CHD6: variants seen among roughly 807,000 people sequenced by gnomAD.
CHD6 encodes chromodomain helicase DNA binding protein 6.
In CHD6, 50 loss-of-function variants were observed where a neutral mutation model predicts 276.9. The observed-to-expected ratio is 0.18, with a 90% CI of 0.14 to 0.23. The LOEUF (loss-of-function observed/expected upper bound fraction) is 0.23, where lower values mean the gene tolerates loss of function less well. CHD6 is among the 10% of genes least tolerant of loss of function. The pLI, the probability that CHD6 is intolerant of heterozygous loss-of-function variation, is 1.00. For missense variants in CHD6, 2,564 were observed against 3,365.8 expected (o/e 0.76, Z 5.89); for synonymous variants, 1,173 against 1,229.3 (o/e 0.95, Z 0.96).
chr20:41,457,383 C>A lies in CHD6; in HGVS notation c.2710G>T (p.Val904Leu). ...HRIGQSKAVK[V>L]YRLITRNSYE... is the part of the protein sequence containing the mutation. ...GAATTTCGAGTGATGAGGCGATACA[C>A]CTTCACAGCTTTGCTCTGGCCTATG... The change falls in exon 18 of 37, where the codon GTG (valine) becomes TTG (leucine). Residue 904 changes from valine to leucine, a missense_variant. Around this residue, in one of 7 missense-constraint regions of CHD6, gnomAD observed 457 missense variants for 889.0 expected, o/e 0.51. Transcript: ENST00000373233. 3 of 1,614,096 alleles carry A rather than the reference C, an allele frequency of 1.9e-6. No individual in the cohort carries two copies. The highest frequency in any genetic ancestry group is 2.5e-6 in the Non-Finnish European group (3 of 1,179,982).
In CHD6 at chr20:41,539,859, C is replaced by A. The variant is rs190776654; in HGVS notation, c.34-6289G>T. Among the ~76,000 whole-genome samples, 423 of 152,252 alleles carry A rather than the reference C, an allele frequency of 2.8e-3. 1 individual carries two copies. The highest frequency in any genetic ancestry group is 9.4e-3 in the African/African-American group (391 of 41,548). ...AGTACACCCATCATCTGGAATAATA[C>A]TACGCAACCATTATTATACGGAGGT... is the stretch of plus-strand genomic sequence containing the variant. On this transcript the variant is annotated intron_variant, in intron 2 of 36. Transcript: ENST00000373233.
At chr20:41,451,288 T>C (rs2048232201) in intron 22 of CHD6, among the ~76,000 whole-genome samples, 183 bp from the exon 23 acceptor site, 2 of 152,186 alleles carry the variant, frequency 1.3e-5, no homozygotes, top group African/African-American at 4.8e-5. Context: ...GTCTCCTCCT[T>C]AGTAAACAAA....
chr20:41,528,795 G>A (rs1415262234), intron 3 of CHD6, among the ~76,000 whole-genome samples: 1 of 152,182 alleles, frequency 6.6e-6, no homozygotes, highest in African/African-American at 2.4e-5. Flanking sequence ...TCCTTGAAAA[G>A]GAAAATTTGC....
chr20:41,589,643 T>C (rs1345982547), intron 1 of CHD6, among the ~76,000 whole-genome samples: 5 of 152,102 alleles, frequency 3.3e-5, no homozygotes, highest in Non-Finnish European at 7.3e-5. Flanking sequence ...ATAAAATACC[T>C]AGGAATCCAA....
chr20:41,525,864 A>G (rs1315587852), intron 3 of CHD6, among the ~76,000 whole-genome samples: 1 of 152,144 alleles, frequency 6.6e-6, no homozygotes, highest in Admixed American at 6.5e-5. Context: ...TCATTTGTTT[A>G]TATTTTTGCC....
chr20:41,499,965 C>T (rs142383391), intron 5 of CHD6, among the ~76,000 whole-genome samples: 298 of 152,240 alleles, frequency 2.0e-3, no homozygotes, highest in African/African-American at 6.7e-3. Context: ...ATCCTTTGAA[C>T]GTAAATCCCA....
chr20:41,457,080 C>A (rs2048397819), intron 18 of CHD6, among the ~76,000 whole-genome samples, 184 bp downstream of exon 18: 1 of 152,218 alleles, frequency 6.6e-6, no homozygotes, highest in South Asian at 2.1e-4. Context: ...TTTCCTTTAA[C>A]CACCCAGAAA....
intron 16 of CHD6, among the ~76,000 whole-genome samples, chr20:41,482,739 C>G (rs1431267820): frequency 1.3e-5 from 2 of 152,142 alleles, no homozygotes; most frequent in African/African-American, 4.8e-5. Flanking sequence ...CACAGCACCA[C>G]AGACTTTTTA....
At chr20:41,423,167 T>C (rs1280662430) in intron 30 of CHD6, among the ~76,000 whole-genome samples, 1 of 152,216 alleles carries the variant, frequency 6.6e-6, no homozygotes, top group Non-Finnish European at 1.5e-5. Context: ...CAGAGTAGGA[T>C]AAATCTGAAC....
intron 3 of CHD6, among the ~76,000 whole-genome samples, chr20:41,532,005 T>C (rs1021334129): frequency 6.6e-6 from 1 of 152,226 alleles, no homozygotes; most frequent in African/African-American, 2.4e-5. Context: ...ATTTTAGACA[T>C]GTAAATTCCT....
At chr20:41,550,590 G>A (rs1363020002) in intron 2 of CHD6, among the ~76,000 whole-genome samples, 3 of 152,142 alleles carry the variant, frequency 2.0e-5, no homozygotes, top group African/African-American at 7.2e-5. Flanking sequence ...CAGAGTCCCA[G>A]TGAAAAGCAG....
intron 3 of CHD6, among the ~76,000 whole-genome samples, chr20:41,519,586 AT>A (rs1402567108): frequency 6.6e-6 from 1 of 152,238 alleles, no homozygotes; most frequent in African/African-American, 2.4e-5. Flanking sequence ...ACAATTCCCT[AT>A]TTAATAAATG....
At chr20:41,517,487 G>A (rs1337798010) in intron 3 of CHD6, among the ~76,000 whole-genome samples, 1 of 152,076 alleles carries the variant, frequency 6.6e-6, no homozygotes, top group African/African-American at 2.4e-5. Flanking sequence ...AAACTCTAGG[G>A]GTCATGCCAT....
chr20:41,421,139 A>G lies in CHD6; in HGVS notation c.5496T>C (p.Cys1832=), dbSNP rs150436198. ...GFVDMCSLSV[C]DSKRNLSSDQ... is the part of the protein sequence containing the mutation. ...CTGATGACAGGTTTCTTTTGGAGTCACAGACACTAAGACTGCACATATCTA... is the reference window on the plus strand; with the variant it reads ...CTGATGACAGGTTTCTTTTGGAGTCGCAGACACTAAGACTGCACATATCTA... Residue 1832 remains cysteine, a synonymous_variant, in exon 31 of 37, where the codon TGT becomes TGC. Coordinates refer to ENST00000373233, the MANE Select transcript of CHD6 (RefSeq NM_032221.5). 187 of 1,614,128 alleles carry G rather than the reference A, an allele frequency of 1.2e-4. No individual in the cohort carries two copies. The African/African-American group carries it at 2.1e-3, about 18-fold the overall frequency.
At chr20:41,503,753 T>A (rs1403046888) in intron 5 of CHD6, among the ~76,000 whole-genome samples, 2 of 152,066 alleles carry the variant, frequency 1.3e-5, no homozygotes, top group Non-Finnish European at 2.9e-5. Context: ...TGCTCCAATC[T>A]CCTCTATCCC....
intron 17 of CHD6, among the ~76,000 whole-genome samples, chr20:41,471,807 T>C (rs2043060022): frequency 6.6e-6 from 1 of 152,114 alleles, no homozygotes; most frequent in Non-Finnish European, 1.5e-5. Flanking sequence ...AGTGCTGGGA[T>C]TACAGGCATA....
At chr20:41,504,530 C>G (rs1479309759) in intron 5 of CHD6, among the ~76,000 whole-genome samples, 1 of 151,232 alleles carries the variant, frequency 6.6e-6, no homozygotes, top group East Asian at 1.9e-4. Flanking sequence ...CAGCCTCAGG[C>G]TTGCAAGTAG....
At chr20:41,611,474 C>CAGGAGG (rs2045886625) in intron 1 of CHD6, among the ~76,000 whole-genome samples, 1 of 152,202 alleles carries the variant, frequency 6.6e-6, no homozygotes, top group Non-Finnish European at 1.5e-5. Context: ...TCCATCATAA[C>CAGGAGG]AGGAGGTTCT....
intron 8 of CHD6, among the ~76,000 whole-genome samples, chr20:41,495,281 AAAAG>A (rs2043656922): frequency 6.6e-6 from 1 of 152,360 alleles, no homozygotes; most frequent in East Asian, 1.9e-4. Flanking sequence ...TCAGCTTTAA[AAAAG>A]AAAGAAATCC....
Sources: allele counts gnomAD v4.1 joint callset (sites outside exome capture counted in the v4.1 genomes callset), GRCh38; gene constraint gnomAD v4.1.1; regional missense constraint gnomAD v4.1.1; transcripts MANE v1.5; gene names NCBI Gene and HGNC (gene_info 2026-07-23, HGNC 2026-07-21).